ANOS1: variants seen among roughly 807,000 people sequenced by gnomAD.
ANOS1 encodes anosmin-1.
ANOS1 carries 6 observed loss-of-function variants against 59.0 expected under a neutral mutation model. The ratio of observed to expected loss-of-function variants is 0.10; its 90% confidence interval spans 0.06 to 0.20. The LOEUF is 0.20. ANOS1 is among the 10% of genes least tolerant of loss of function. ANOS1 has a pLI of 1.00. For synonymous variants in ANOS1, 217 were observed against 223.4 expected (o/e 0.97, Z 0.25); for missense variants, 433 against 542.3 (o/e 0.80, Z 2.00).
intron 1 of ANOS1, among the ~76,000 whole-genome samples, chrX:8,731,094 G>T (rs1381156788): frequency 4.5e-5 from 5 of 112,271 alleles, no homozygotes; most frequent in African/African-American, 1.6e-4. Context: ...CGGTTCCCCC[G>T]GGACTCGTTG....
intron 8 of ANOS1, among the ~76,000 whole-genome samples, chrX:8,559,190 T>G (rs1019837319): frequency 6.3e-5 from 7 of 111,910 alleles, no homozygotes; most frequent in African/African-American, 2.3e-4. Context: ...GTTTCTGTTC[T>G]TCGAAAAAGT....
chrX:8,666,693 C>A (rs1400755158), intron 2 of ANOS1, among the ~76,000 whole-genome samples: 1 of 112,189 alleles, frequency 8.9e-6, no homozygotes, highest in Non-Finnish European at 1.9e-5. Flanking sequence ...TCCCCACATG[C>A]CCAAGAAGCA....
Position 8,532,567 on chromosome X carries a change from T to C in ANOS1, c.*428A>G. 1 of 114,219 alleles carries C rather than the reference T, an allele frequency of 8.8e-6. No homozygotes were observed. The highest frequency in any genetic ancestry group is 4.5e-3 in the Middle Eastern group (1 of 222). 9.4% of individuals were successfully genotyped at this position (114,219 alleles called of 1,213,427 possible). A position where few individuals can be genotyped will look rare whatever the true frequency, so the allele number is the denominator to read the frequency against. On this transcript the variant is annotated 3_prime_UTR_variant, in exon 14 of 14. Transcript: ENST00000262648. ...ATCTTAGTTGATTTTTCATATCGAA[T>C]CAATAATTTAGTCAAAAATATATTT...
At chrX:8,612,354 G>A (rs1931073404) in intron 3 of ANOS1, among the ~76,000 whole-genome samples, 1 of 110,900 alleles carries the variant, frequency 9.0e-6, no homozygotes, top group Non-Finnish European at 1.9e-5. Flanking sequence ...AGTGCATAGG[G>A]CAAAATTTAT....
At position 8,549,564 on chromosome X, in the gene ANOS1, C is replaced by T. The variant is rs193080680; in HGVS notation, c.1354+4388G>A. ...ATTGAGAGTCAGTCCTAAAGCAACACCAAGCCTTAAAAGGCTGGGCTCAGA... is the reference window on the plus strand; with the variant it reads ...ATTGAGAGTCAGTCCTAAAGCAACATCAAGCCTTAAAAGGCTGGGCTCAGA... On this transcript the variant is annotated intron_variant, in intron 9 of 13. Transcript: ENST00000262648. 7.1e-5 allele frequency among the ~76,000 whole-genome samples: 8 copies of T among 112,440 alleles called. No individual in the cohort carries two copies. The East Asian group carries it at 2.2e-3, about 32-fold the overall frequency.
intron 2 of ANOS1, among the ~76,000 whole-genome samples, chrX:8,632,728 T>C (rs1281967494): frequency 9.1e-6 from 1 of 110,457 alleles, no homozygotes; most frequent in East Asian, 2.8e-4. Context: ...TACTTAATTT[T>C]GTCTGGAGTA....
intron 8 of ANOS1, among the ~76,000 whole-genome samples, chrX:8,561,466 A>ATTTTTTTTTTTTT (rs34119310): frequency 1.5e-5 from 1 of 67,059 alleles, no homozygotes; most frequent in African/African-American, 5.7e-5. Context: ...TGCCCGGCTA[A>ATTTTTTTTTTTTT]TTTTTTTTTT....
intron 4 of ANOS1, among the ~76,000 whole-genome samples, chrX:8,590,389 T>C (rs2146821673): frequency 8.9e-6 from 1 of 111,749 alleles, no homozygotes; most frequent in East Asian, 2.8e-4. Context: ...TGTCTTGCCT[T>C]CTGCTTTCTA....
At chrX:8,727,356 C>T (rs938158558) in intron 1 of ANOS1, among the ~76,000 whole-genome samples, 9 of 111,861 alleles carry the variant, frequency 8.0e-5, no homozygotes, top group African/African-American at 2.3e-4. Flanking sequence ...CTGCAGGGAC[C>T]GGGCATGGGT....
chrX:8,558,724 C>T lies in ANOS1; in HGVS notation c.1208-4626G>A, dbSNP rs141850885. 3.4e-3 allele frequency among the ~76,000 whole-genome samples: 373 copies of T among 111,334 alleles called. 3 individuals carry two copies. Among genetic ancestry groups the T allele is most frequent in the African/African-American group, 0.012 (360 of 30,619 alleles). ...TCAATACTTGGTGCAGGGCTCTAAACGGAAATACGGTTCAGCTTTGTCAAA... is the reference window on the plus strand; with the variant it reads ...TCAATACTTGGTGCAGGGCTCTAAATGGAAATACGGTTCAGCTTTGTCAAA... On this transcript the variant is annotated intron_variant, in intron 8 of 13. Coordinates refer to ENST00000262648, the MANE Select transcript of ANOS1 (RefSeq NM_000216.4).
intron 9 of ANOS1, among the ~76,000 whole-genome samples, chrX:8,544,743 G>A (rs1305352668): frequency 1.8e-5 from 2 of 109,685 alleles, no homozygotes; most frequent in Non-Finnish European, 3.8e-5. Context: ...TAGCAAGACC[G>A]CATCTCTACA....
intron 1 of ANOS1, among the ~76,000 whole-genome samples, chrX:8,724,883 AG>A (rs1209804872): frequency 8.9e-6 from 1 of 112,112 alleles, no homozygotes; most frequent in African/African-American, 3.2e-5. Flanking sequence ...AAAGCTTGAA[AG>A]AGTTATGGCT....
chrX:8,581,899 C>A (rs12387467), intron 6 of ANOS1, among the ~76,000 whole-genome samples: 46,536 of 110,690 alleles, frequency 0.42, 7,245 homozygotes, highest in African/African-American at 0.54. Flanking sequence ...AAAGATTGAT[C>A]CTTCATCCCT....
At chrX:8,570,456 A>G (rs747341321) in intron 7 of ANOS1, 43 bp downstream of exon 7, 10 of 1,116,251 alleles carry the variant, frequency 9.0e-6, no homozygotes, top group African/African-American at 1.8e-5. Context: ...GAGTTGAAAT[A>G]CCCTCTGTGG....
chrX:8,609,563 C>A (rs1931005370), intron 3 of ANOS1, among the ~76,000 whole-genome samples: 1 of 111,881 alleles, frequency 8.9e-6, no homozygotes, highest in East Asian at 2.8e-4. Context: ...GAGAAAGCTT[C>A]ATCAGAGAGC....
intron 3 of ANOS1, among the ~76,000 whole-genome samples, chrX:8,620,107 T>C (rs906640874): frequency 3.8e-5 from 4 of 106,552 alleles, no homozygotes; most frequent in Non-Finnish European, 7.9e-5. Context: ...CTGTTCTTTT[T>C]CTTGGAGCAG....
chrX:8,598,368 T>C (rs1415164058), intron 3 of ANOS1, among the ~76,000 whole-genome samples: 3 of 112,059 alleles, frequency 2.7e-5, no homozygotes, highest in Non-Finnish European at 5.6e-5. Context: ...TATTTTTCCT[T>C]AGGAAAAAAT....
At chrX:8,710,597 C>T (rs1255627432) in intron 1 of ANOS1, among the ~76,000 whole-genome samples, 2 of 111,561 alleles carry the variant, frequency 1.8e-5, no homozygotes, top group African/African-American at 6.5e-5. Flanking sequence ...AAATGTAACT[C>T]GTTAATGACA....
At chrX:8,684,429 A>G (rs1036366300) in intron 2 of ANOS1, among the ~76,000 whole-genome samples, 2 of 111,413 alleles carry the variant, frequency 1.8e-5, no homozygotes, top group East Asian at 5.7e-4. Context: ...TGCCGGCCGT[A>G]ATGTGAATTC....
Sources: gnomAD v4.1 joint callset for allele counts (sites outside exome capture counted in the v4.1 genomes callset) on GRCh38, gnomAD v4.1.1 for gene constraint, MANE v1.5 for transcripts, NCBI Gene and HGNC (gene_info 2026-07-23, HGNC 2026-07-21) for gene names.